Variants in GALNTL6 observed in about 807,000 individuals in gnomAD.
GALNTL6 encodes polypeptide N-acetylgalactosaminyltransferase like 6.
Under a neutral mutation model 73.7 loss-of-function variants are expected in GALNTL6, and 46 were observed. That is an observed-to-expected ratio of 0.62 (90% CI 0.49 to 0.80). The LOEUF (loss-of-function observed/expected upper bound fraction) is 0.80, where lower values mean the gene tolerates loss of function less well. GALNTL6 is among the 30% of genes least tolerant of loss of function. The pLI, the probability that GALNTL6 is intolerant of heterozygous loss-of-function variation, is 0.00. For synonymous variants in GALNTL6, 259 were observed against 263.7 expected (o/e 0.98, Z 0.17); for missense variants, 604 against 755.0 (o/e 0.80, Z 2.34).
chr4:172,155,295 G>C (rs1021031509), intron 2 of GALNTL6, among the ~76,000 whole-genome samples: 3 of 152,156 alleles, frequency 2.0e-5, no homozygotes, highest in African/African-American at 7.2e-5. Context: ...ACCGCGCCCG[G>C]CCATCGTACC....
chr4:172,801,298 A>G (rs1388450241), intron 5 of GALNTL6, among the ~76,000 whole-genome samples: 3 of 152,196 alleles, frequency 2.0e-5, no homozygotes, highest in African/African-American at 7.2e-5. Context: ...TTTGTGTAAA[A>G]TAATCTATTA....
At chr4:172,747,888 G>C (rs528071309) in intron 5 of GALNTL6, among the ~76,000 whole-genome samples, 2 of 146,466 alleles carry the variant, frequency 1.4e-5, no homozygotes, top group South Asian at 4.3e-4. Context: ...GTGACAACTA[G>C]ATGAACCCAG....
chr4:172,915,511 A>G (rs1314974894), intron 8 of GALNTL6, among the ~76,000 whole-genome samples: 1 of 152,226 alleles, frequency 6.6e-6, no homozygotes, highest in African/African-American at 2.4e-5. Context: ...CAAGACTAAT[A>G]AAGAAGAAAA....
At chr4:173,004,541 G>A (rs549433934) in intron 10 of GALNTL6, among the ~76,000 whole-genome samples, 4 of 152,120 alleles carry the variant, frequency 2.6e-5, no homozygotes, top group South Asian at 2.1e-4. Flanking sequence ...CAGGAAGATT[G>A]CTTGAACCCA....
intron 7 of GALNTL6, among the ~76,000 whole-genome samples, chr4:172,818,005 A>G (rs1741708000): frequency 6.6e-6 from 1 of 152,202 alleles, no homozygotes; most frequent in Non-Finnish European, 1.5e-5. Context: ...AGGGAAAACA[A>G]CAAAACATTT....
intron 5 of GALNTL6, among the ~76,000 whole-genome samples, chr4:172,651,104 C>T (rs188068134): frequency 6.6e-6 from 1 of 152,276 alleles, no homozygotes; most frequent in Admixed American, 6.5e-5. Context: ...AAATGTTGTA[C>T]ACCACACTGT....
chr4:172,407,497 C>T (rs1325874017), intron 5 of GALNTL6, among the ~76,000 whole-genome samples: 1 of 152,026 alleles, frequency 6.6e-6, no homozygotes, highest in Non-Finnish European at 1.5e-5. Flanking sequence ...TTGGGCATTA[C>T]TGTCATTTCA....
At chr4:172,636,314 T>C (rs972633759) in intron 5 of GALNTL6, among the ~76,000 whole-genome samples, 3 of 152,204 alleles carry the variant, frequency 2.0e-5, no homozygotes, top group Admixed American at 2.0e-4. Flanking sequence ...AAATAAACAT[T>C]TCTTAAAGCT....
At chr4:172,771,337 T>A (rs1219898179) in intron 5 of GALNTL6, among the ~76,000 whole-genome samples, 1 of 152,198 alleles carries the variant, frequency 6.6e-6, no homozygotes, top group African/African-American at 2.4e-5. Flanking sequence ...GAAAGGCCAC[T>A]GGGACAAGAG....
chr4:171,862,225 A>G (rs1220853676), intron 2 of GALNTL6, among the ~76,000 whole-genome samples: 1 of 152,130 alleles, frequency 6.6e-6, no homozygotes, highest in Non-Finnish European at 1.5e-5. Context: ...GAAATGTCAC[A>G]TTCCATTATT....
chr4:172,098,362 T>G (rs1414891994), intron 2 of GALNTL6, among the ~76,000 whole-genome samples: 1 of 152,050 alleles, frequency 6.6e-6, no homozygotes, highest in Non-Finnish European at 1.5e-5. Flanking sequence ...TGTGGTGGTA[T>G]GGAAAAGAAT....
At chr4:171,987,200 T>C (rs1740123313) in intron 2 of GALNTL6, among the ~76,000 whole-genome samples, 1 of 152,178 alleles carries the variant, frequency 6.6e-6, no homozygotes, top group Non-Finnish European at 1.5e-5. Flanking sequence ...TCCAGTCTTT[T>C]TTAAGTTGGT....
chr4:172,069,500 G>GACACATATATGTTATA (rs1731456226), intron 2 of GALNTL6, among the ~76,000 whole-genome samples: 1 of 19,774 alleles, frequency 5.1e-5, no homozygotes, highest in African/African-American at 1.4e-4. Context: ...TATGTTATAT[G>GACACATATATGTTATA]TATAACACAT....
intron 5 of GALNTL6, among the ~76,000 whole-genome samples, chr4:172,790,494 C>A (rs983330253): frequency 1.3e-5 from 2 of 152,148 alleles, no homozygotes; most frequent in African/African-American, 4.8e-5. Flanking sequence ...AGGACCTCAC[C>A]AGAAACTAAC....
rs577957735 is a variant in GALNTL6, at chr4:172,839,917, T to G, written c.923+26194T>G. On this transcript the variant is annotated intron_variant, in intron 7 of 12. Coordinates refer to ENST00000506823, the MANE Select transcript of GALNTL6 (RefSeq NM_001034845.3). The stretch of plus-strand genomic sequence containing the variant: ...GAACATATGCAATTTTTCAGGAAGA[T>G]TTTAAACAAAACAAATACATAATGT... 1.6e-4 allele frequency among the ~76,000 whole-genome samples: 24 copies of G among 152,342 alleles called. No homozygotes were observed. In the South Asian group the frequency reaches 3.9e-3, roughly 25 times the overall value.
intron 4 of GALNTL6, among the ~76,000 whole-genome samples, chr4:172,337,599 G>A (rs1445104073): frequency 6.6e-6 from 1 of 151,086 alleles, no homozygotes; most frequent in Non-Finnish European, 1.5e-5. Flanking sequence ...AATCTCTTCT[G>A]ACTTACAAGG....
chr4:171,847,711 T>G (rs1185408716), intron 2 of GALNTL6, among the ~76,000 whole-genome samples: 1 of 152,128 alleles, frequency 6.6e-6, no homozygotes, highest in Non-Finnish European at 1.5e-5. Context: ...AAAGAAACAC[T>G]CTCTCTCTGC....
Position 172,063,927 on chromosome 4 carries a change from C to T in GALNTL6, c.139-165729C>T, listed in dbSNP as rs2110887095. Among the ~76,000 whole-genome samples, 3 of 152,298 alleles carry T rather than the reference C, an allele frequency of 2.0e-5. No homozygotes were observed. In the South Asian group the frequency reaches 6.2e-4, roughly 32 times the overall value. ...ACATTCACATATGAGCCGCAATTTG[C>T]CTTGTGCCTGAAGCATTACATTGCA... is the stretch of plus-strand genomic sequence containing the variant. On this transcript the variant is annotated intron_variant, in intron 2 of 12. Coordinates refer to ENST00000506823, the MANE Select transcript of GALNTL6 (RefSeq NM_001034845.3).
At position 172,070,673 on chromosome 4, in the gene GALNTL6, T is replaced by G. The variant is rs1449046211; in HGVS notation, c.139-158983T>G. ...CAGAACTATGAGCTAAATACACTTT[T>G]GAAAAAAATAAATTACCCAGTCTGT... On this transcript the variant is annotated intron_variant, in intron 2 of 12. Coordinates refer to ENST00000506823, the MANE Select transcript of GALNTL6 (RefSeq NM_001034845.3). Among the ~76,000 whole-genome samples the G allele has an allele frequency of 7.3e-5, 8 of 109,326 alleles. 2 individuals are homozygous for G. Among genetic ancestry groups the G allele is most frequent in the African/African-American group, 2.1e-4 (6 of 28,894 alleles). 71.7% of individuals were successfully genotyped at this position (109,326 alleles called of 152,430 possible).
Sources: allele counts gnomAD v4.1 joint callset (sites outside exome capture counted in the v4.1 genomes callset), GRCh38; gene constraint gnomAD v4.1.1; transcripts MANE v1.5; gene names NCBI Gene and HGNC (gene_info 2026-07-23, HGNC 2026-07-21).